Variants in UNC5D observed in about 807,000 individuals in gnomAD.
UNC5D encodes unc-5 netrin receptor D.
A neutral mutation model predicts 105.4 loss-of-function variants in UNC5D; 39 were observed. The ratio of observed to expected loss-of-function variants is 0.37; its 90% CI spans 0.29 to 0.48. The LOEUF (loss-of-function observed/expected upper bound fraction) is 0.48, where lower values mean the gene tolerates loss of function less well. Among genes scored for constraint, UNC5D ranks in the 20% least tolerant of loss-of-function variants. The pLI, the probability that UNC5D is intolerant of heterozygous loss-of-function variation, is 0.98. For synonymous variants in UNC5D, 452 were observed against 450.4 expected, an observed-to-expected ratio of 1.00 and a Z score of -0.04; for missense variants, 991 against 1,202.4, an observed-to-expected ratio of 0.82 and a Z score of 2.60.
At chr8:35,535,960 T>C (rs1307015060) in intron 1 of UNC5D, among the ~76,000 whole-genome samples, 1 of 152,204 alleles carries the variant, frequency 6.6e-6, no homozygotes, top group Non-Finnish European at 1.5e-5. Flanking sequence ...TAAGGTAGGT[T>C]AAATATCTTG....
Position 35,235,737 on chromosome 8 carries a change from G to T in UNC5D, c.-48G>T. 1 of 1,219,158 alleles carries T rather than the reference G, an allele frequency of 8.2e-7. No individual in the cohort carries two copies. 75.5% of individuals were successfully genotyped at this position (1,219,158 alleles called of 1,614,324 possible). ...ACCCTCATCGCCGACCCTTTCCCGG[G>T]CTCCCGGAGCGTGAAGAAGAGCCGC... On this transcript the variant is annotated 5_prime_UTR_variant, in exon 1 of 17. Transcript: ENST00000404895.
intron 4 of UNC5D, among the ~76,000 whole-genome samples, chr8:35,619,881 GA>G (rs1435619767): frequency 6.6e-6 from 1 of 152,130 alleles, no homozygotes; most frequent in African/African-American, 2.4e-5. Context: ...CTGTTGCACG[GA>G]GATTATGAGA....
intron 4 of UNC5D, among the ~76,000 whole-genome samples, chr8:35,604,019 A>C (rs781482581): frequency 8.5e-5 from 13 of 152,128 alleles, no homozygotes; most frequent in African/African-American, 1.4e-4. Context: ...TGTGCCTTTT[A>C]ATTGGAGCAT....
intron 14 of UNC5D, among the ~76,000 whole-genome samples, chr8:35,766,382 G>T (rs1425464009): frequency 6.6e-6 from 1 of 151,860 alleles, no homozygotes; most frequent in African/African-American, 2.4e-5. Context: ...TTTGCACTGG[G>T]TATTAATTTT....
Position 35,721,163 on chromosome 8 carries a change from G to C in UNC5D, c.1118-1047G>C, listed in dbSNP as rs143225360. ...GTAATTACTGTTGGACCCATTAAGT[G>C]TACTTACCACATAATCTGTAGGAAG... is the stretch of plus-strand genomic sequence containing the variant. On this transcript the variant is annotated intron_variant, in intron 8 of 16. Coordinates refer to ENST00000404895, the MANE Select transcript of UNC5D (RefSeq NM_080872.4). Among the ~76,000 whole-genome samples, 67 of 152,256 alleles carry C rather than the reference G, an allele frequency of 4.4e-4. 2 individuals carry two copies. The highest frequency in any genetic ancestry group is 1.5e-3 in the African/African-American group (64 of 41,548).
chr8:35,380,905 A>G (rs1166471500), intron 1 of UNC5D, among the ~76,000 whole-genome samples: 1 of 152,144 alleles, frequency 6.6e-6, no homozygotes, highest in Non-Finnish European at 1.5e-5. Context: ...ACCTGCCAGG[A>G]TCATGCTTGC....
At chr8:35,264,617 C>A (rs539995076) in intron 1 of UNC5D, among the ~76,000 whole-genome samples, 1 of 151,790 alleles carries the variant, frequency 6.6e-6, no homozygotes, top group South Asian at 2.1e-4. Flanking sequence ...GTAATCCCAG[C>A]TACTTGGGAG....
intron 14 of UNC5D, among the ~76,000 whole-genome samples, chr8:35,766,168 A>G (rs1801756563): frequency 6.6e-6 from 1 of 152,100 alleles, no homozygotes; most frequent in African/African-American, 2.4e-5. Flanking sequence ...TAGGGGACTG[A>G]ATCTGTTCTT....
In UNC5D at chr8:35,761,035, A is replaced by G. The variant is rs1203390542; in HGVS notation, c.2313+1566A>G. On this transcript the variant is annotated intron_variant, in intron 14 of 16. Coordinates refer to ENST00000404895, the MANE Select transcript of UNC5D (RefSeq NM_080872.4). ...ACAACCATCTCTCATTCCCCTGAAC[A>G]CTTTTTTTTTCAGGGGGCCAGGGGC... is the stretch of plus-strand genomic sequence containing the variant. Among the ~76,000 whole-genome samples, 15 of 151,944 alleles carry G rather than the reference A, an allele frequency of 9.9e-5. No homozygotes were observed. The East Asian group carries it at 1.4e-3, about 14-fold the overall frequency.
At chr8:35,731,440 A>G (rs1336547670) in intron 11 of UNC5D, among the ~76,000 whole-genome samples, 1 of 150,944 alleles carries the variant, frequency 6.6e-6, no homozygotes, top group African/African-American at 2.4e-5. Flanking sequence ...GGGCATTTTA[A>G]ATATGGACTG....
chr8:35,298,711 A>T, intron 1 of UNC5D, among the ~76,000 whole-genome samples: 1 of 152,152 alleles, frequency 6.6e-6, no homozygotes, highest in South Asian at 2.1e-4. Context: ...ATCCTAAGAA[A>T]GTAAAGCAAG....
intron 1 of UNC5D, among the ~76,000 whole-genome samples, chr8:35,277,414 A>G (rs1318055036): frequency 6.6e-6 from 1 of 152,114 alleles, no homozygotes; most frequent in Non-Finnish European, 1.5e-5. Flanking sequence ...CATTTCTTTG[A>G]TAATTCTTTT....
intron 8 of UNC5D, among the ~76,000 whole-genome samples, chr8:35,720,371 G>A (rs538208982): frequency 6.4e-4 from 97 of 152,280 alleles, no homozygotes; most frequent in African/African-American, 2.3e-3. Context: ...GAGCAGGTGT[G>A]TTCTCCCCAG....
chr8:35,488,983 A>G (rs1345304324), intron 1 of UNC5D, among the ~76,000 whole-genome samples: 2 of 151,438 alleles, frequency 1.3e-5, no homozygotes, highest in African/African-American at 4.9e-5. Flanking sequence ...AAGGCAGAGT[A>G]TTATGGGCTG....
intron 4 of UNC5D, among the ~76,000 whole-genome samples, chr8:35,597,428 A>G (rs1452079842): frequency 6.6e-6 from 1 of 152,174 alleles, no homozygotes; most frequent in African/African-American, 2.4e-5. Context: ...CATTTAGGAC[A>G]TCGCATGTGT....
intron 4 of UNC5D, among the ~76,000 whole-genome samples, chr8:35,643,646 CTGGGATT>C (rs2131144333): frequency 6.6e-6 from 1 of 152,252 alleles, no homozygotes; most frequent in African/African-American, 2.4e-5. Context: ...TCCCAAAGTG[CTGGGATT>C]ACAGGTGTGA....
intron 2 of UNC5D, among the ~76,000 whole-genome samples, chr8:35,553,400 T>C (rs996514135): frequency 8.6e-5 from 13 of 151,924 alleles, no homozygotes; most frequent in Non-Finnish European, 1.6e-4. Context: ...TCAAAGAAAC[T>C]GAGCAAAACA....
chr8:35,460,082 A>T (rs1808783643), intron 1 of UNC5D, among the ~76,000 whole-genome samples: 1 of 152,208 alleles, frequency 6.6e-6, no homozygotes, highest in African/African-American at 2.4e-5. Context: ...TTTGGAGTGA[A>T]GGGAAACAAT....
chr8:35,791,215 T>C lies in UNC5D; in HGVS notation c.*652T>C, dbSNP rs1803025580. The C allele has an allele frequency of 6.5e-6, 1 of 153,676 alleles. No individual in the cohort carries two copies. The highest frequency in any genetic ancestry group is 2.4e-5 in the African/African-American group (1 of 41,466). The allele number at this position is 153,676 out of a possible 1,614,324, so 9.5% of individuals were successfully genotyped here. On this transcript the variant is annotated 3_prime_UTR_variant, in exon 17 of 17. Coordinates refer to ENST00000404895, the MANE Select transcript of UNC5D (RefSeq NM_080872.4). Reference sequence around the variant, plus strand: ...TTATAGTGTACTCCACCTTTTACTTTTTTCCTGAGACAAATCTACCCTTAT... The same window carrying C: ...TTATAGTGTACTCCACCTTTTACTTCTTTCCTGAGACAAATCTACCCTTAT...
Sources: allele counts gnomAD v4.1 joint callset (sites outside exome capture counted in the v4.1 genomes callset), GRCh38; gene constraint gnomAD v4.1.1; transcripts MANE v1.5; gene names NCBI Gene and HGNC (gene_info 2026-07-23, HGNC 2026-07-21).